HMOX2: variants seen among roughly 807,000 people sequenced by gnomAD.
HMOX2 encodes heme oxygenase 2.
Under a neutral mutation model 33.7 loss-of-function variants are expected in HMOX2, and 30 were observed. The ratio of observed to expected loss-of-function variants is 0.89; its 90% CI spans 0.67 to 1.21. The LOEUF (loss-of-function observed/expected upper bound fraction) is 1.21. Among genes scored for constraint, HMOX2 ranks in the 50% most tolerant of loss-of-function variants. The probability of loss-of-function intolerance (pLI) is 0.00; values close to 1 mark genes in which losing one functional copy is unlikely to be tolerated. For missense variants in HMOX2, 403 were observed against 399.1 expected (o/e 1.01, Z -0.08); for synonymous variants, 155 against 155.0 (o/e 1.00, Z 0.00).
chr16:4,504,772 C>A (rs943107110), intron 1 of HMOX2, among the ~76,000 whole-genome samples: 5 of 147,090 alleles, frequency 3.4e-5, no homozygotes, highest in African/African-American at 1.0e-4. Flanking sequence ...TCACTGCAAC[C>A]TCTGCCTCCT....
chr16:4,476,988 C>A (rs1015203914), intron 1 of HMOX2, among the ~76,000 whole-genome samples: 1 of 152,150 alleles, frequency 6.6e-6, no homozygotes, highest in African/African-American at 2.4e-5. Context: ...ATAGGAAGTG[C>A]CCCTTGAGTG....
chr16:4,492,325 C>G (rs892128892), intron 1 of HMOX2, among the ~76,000 whole-genome samples: 1 of 149,630 alleles, frequency 6.7e-6, no homozygotes, highest in Admixed American at 6.6e-5. Flanking sequence ...AACCCTGTCT[C>G]TAAAAAAAAA....
At position 4,509,760 on chromosome 16, in the gene HMOX2, AC is replaced by A; in HGVS notation, c.*7del. On this transcript the variant is annotated 3_prime_UTR_variant, in exon 6 of 6. Coordinates refer to ENST00000570646, the MANE Select transcript of HMOX2 (RefSeq NM_002134.4). ...CTTGGCCTGGTACTACATGTGAAGC[AC>A]CCATCATGCCACACCGGTACCCTCC... is the stretch of plus-strand genomic sequence containing the variant. 1 of 1,611,368 alleles carries A rather than the reference AC, an allele frequency of 6.2e-7. No individual in the cohort carries two copies. Among genetic ancestry groups the A allele is most frequent in the Non-Finnish European group, 8.5e-7 (1 of 1,179,300 alleles).
intron 1 of HMOX2, among the ~76,000 whole-genome samples, chr16:4,477,778 G>A (rs1034370544): frequency 2.0e-5 from 3 of 152,054 alleles, no homozygotes; most frequent in Admixed American, 6.6e-5. Context: ...AAAGTTAAAC[G>A]GGCGGGGTGG....
At chr16:4,504,595 G>A (rs112445275) in intron 1 of HMOX2, among the ~76,000 whole-genome samples, 15,075 of 151,038 alleles carry the variant, frequency 0.1, 1,363 homozygotes, top group African/African-American at 0.24. Context: ...CCTAACCTCA[G>A]GTGATCCACC....
chr16:4,481,137 G>T (rs771534069), intron 1 of HMOX2, among the ~76,000 whole-genome samples: 55 of 151,310 alleles, frequency 3.6e-4, no homozygotes, highest in Admixed American at 7.9e-4. Flanking sequence ...ACGAGGTCAG[G>T]AGATCGAGAC....
At chr16:4,504,232 C>T (rs943097352) in intron 1 of HMOX2, among the ~76,000 whole-genome samples, 1 of 152,270 alleles carries the variant, frequency 6.6e-6, no homozygotes, top group African/African-American at 2.4e-5. Flanking sequence ...AGGCACCCAG[C>T]CTCTCACAGG....
At chr16:4,507,559 CAA>C in intron 3 of HMOX2, among the ~76,000 whole-genome samples, 152 bp from the exon 4 acceptor site, 1 of 152,016 alleles carries the variant, frequency 6.6e-6, no homozygotes, top group East Asian at 1.9e-4. Flanking sequence ...CTTTAAGAAA[CAA>C]AAGCTTCCTT....
At chr16:4,502,121 C>T (rs981245504) in intron 1 of HMOX2, among the ~76,000 whole-genome samples, 4 of 152,158 alleles carry the variant, frequency 2.6e-5, no homozygotes, top group African/African-American at 9.7e-5. Context: ...GATGGGCTTT[C>T]ACCATGTTGG....
Position 4,505,568 on chromosome 16 carries a change from A to C in HMOX2, c.44A>C (p.Glu15Ala). The C allele has an allele frequency of 6.2e-7, 1 of 1,604,366 alleles. No individual in the cohort carries two copies. The change falls in exon 2 of 6, where the codon GAA (glutamate) becomes GCA (alanine). Residue 15 changes from glutamate (E) to alanine (A), a missense_variant. Glu to Ala is a moderately radical substitution (Grantham distance 107). Coordinates refer to ENST00000570646, the MANE Select transcript of HMOX2 (RefSeq NM_002134.4). ...VETSEGVDES[E>A]KKNSGALEKE... ...ACCTCAGAGGGGGTAGACGAGTCAGAAAAAAAGAACTCTGGGGCCCTAGAA... is the reference window on the plus strand; with the variant it reads ...ACCTCAGAGGGGGTAGACGAGTCAGCAAAAAAGAACTCTGGGGCCCTAGAA...
intron 1 of HMOX2, among the ~76,000 whole-genome samples, chr16:4,485,122 C>T (rs550680120): frequency 1.1e-4 from 17 of 152,144 alleles, no homozygotes; most frequent in South Asian, 2.1e-4. Flanking sequence ...CCTGCCACAA[C>T]CCCCGGCTAA....
chr16:4,498,324 C>A (rs184275652), intron 1 of HMOX2, among the ~76,000 whole-genome samples: 2 of 151,968 alleles, frequency 1.3e-5, no homozygotes, highest in Admixed American at 6.5e-5. Flanking sequence ...GCTCGGCCTC[C>A]CAAAGTGCTG....
chr16:4,503,359 G>A (rs891729567), intron 1 of HMOX2, among the ~76,000 whole-genome samples: 19 of 152,202 alleles, frequency 1.2e-4, no homozygotes, highest in African/African-American at 4.6e-4. Flanking sequence ...TGAGGGTCCT[G>A]CCCCAGGAAG....
At chr16:4,480,426 C>A (rs2057992493) in intron 1 of HMOX2, among the ~76,000 whole-genome samples, 1 of 146,608 alleles carries the variant, frequency 6.8e-6, no homozygotes, top group South Asian at 2.3e-4. Flanking sequence ...CTCACTGCAA[C>A]CTCTGCCTCC....
intron 2 of HMOX2, among the ~76,000 whole-genome samples, chr16:4,506,111 A>T (rs962887445): frequency 1.2e-4 from 19 of 152,144 alleles, no homozygotes; most frequent in African/African-American, 4.6e-4. Flanking sequence ...CTAATAATAA[A>T]TTGATTCTCA....
rs766807259 is a variant in HMOX2, at chr16:4,509,510, C to T, written c.795C>T (p.Cys265=). 2 of 1,614,112 alleles carry T rather than the reference C, an allele frequency of 1.2e-6. No individual in the cohort carries two copies. Among genetic ancestry groups the T allele is most frequent in the Non-Finnish European group, 1.7e-6 (2 of 1,179,994 alleles). Reference sequence around the variant, plus strand: ...ATGGGAAAGGAGACATGCGTAAATGCCCTTTCTACGCTGCTGAACAAGACA... The same window carrying T: ...ATGGGAAAGGAGACATGCGTAAATGTCCTTTCTACGCTGCTGAACAAGACA... The part of the protein sequence containing the change: ...VHDGKGDMRK[C]PFYAAEQDKG... The change falls in exon 5 of 6, where the codon TGC becomes TGT. Residue 265 remains cysteine, a synonymous_variant. Transcript: ENST00000570646.
In HMOX2 at chr16:4,493,258, G is replaced by A. The variant is rs114454191; in HGVS notation, c.-41-12226G>A. 9.4e-3 allele frequency among the ~76,000 whole-genome samples: 1,429 copies of A among 152,172 alleles called. 22 individuals carry two copies. The highest frequency in any genetic ancestry group is 0.033 in the African/African-American group (1,372 of 41,504). On this transcript the variant is annotated intron_variant, in intron 1 of 5. Coordinates refer to ENST00000570646, the MANE Select transcript of HMOX2 (RefSeq NM_002134.4). ...TTTTGTAGAGATGGGGTCTCCCTGT[G>A]TTGCCCAGGTCAGTCTCAAACTCCT...
intron 1 of HMOX2, 190 bp downstream of exon 1, chr16:4,476,677 C>CAGA (rs1255393683): frequency 6.6e-6 from 1 of 152,398 alleles, no homozygotes; most frequent in Non-Finnish European, 1.5e-5. Flanking sequence ...TGAGGCCGGG[C>CAGA]AGAAGGACGA....
At chr16:4,497,126 AC>A (rs1375964682) in intron 1 of HMOX2, among the ~76,000 whole-genome samples, 1 of 151,338 alleles carries the variant, frequency 6.6e-6, no homozygotes, top group East Asian at 1.9e-4. Flanking sequence ...TTTTCCCTCC[AC>A]CCCCAAATGC....
Sources: gnomAD v4.1 joint callset for allele counts (sites outside exome capture counted in the v4.1 genomes callset) on GRCh38, gnomAD v4.1.1 for gene constraint, MANE v1.5 for transcripts, NCBI Gene and HGNC (gene_info 2026-07-23, HGNC 2026-07-21) for gene names.